Variants in ERMP1 observed in about 807,000 individuals in gnomAD.
ERMP1 encodes Felix-ina.
ERMP1 carries 86 observed loss-of-function variants against 92.0 expected under a neutral mutation model. The ratio of observed to expected loss-of-function variants is 0.93; its 90% confidence interval spans 0.79 to 1.12. The LOEUF is 1.12. Among genes scored for constraint, ERMP1 ranks in the 50% most tolerant of loss-of-function variants. The probability of loss-of-function intolerance (pLI) is 0.00; values close to 1 mark genes in which losing one functional copy is unlikely to be tolerated. For missense variants in ERMP1, 1,342 were observed against 1,116.3 expected, an observed-to-expected ratio of 1.20 and a Z score of -2.88; for synonymous variants, 530 against 412.8, an observed-to-expected ratio of 1.28 and a Z score of -3.44.
At chr9:5,799,740 A>G (rs1828597317) in intron 11 of ERMP1, among the ~76,000 whole-genome samples, 1 of 152,216 alleles carries the variant, frequency 6.6e-6, no homozygotes, top group Admixed American at 6.5e-5. Context: ...TTACAGGAAA[A>G]GTTTGCCAAC....
chr9:5,863,679 G>C (rs1042258460), intron 5 of ERMP1, among the ~76,000 whole-genome samples: 19 of 152,210 alleles, frequency 1.2e-4, no homozygotes, highest in Non-Finnish European at 2.5e-4. Context: ...GGGAAGCTGG[G>C]TGGAGCTTCT....
chr9:5,844,646 T>C (rs918730319), intron 6 of ERMP1, among the ~76,000 whole-genome samples: 2 of 152,180 alleles, frequency 1.3e-5, no homozygotes, highest in Non-Finnish European at 2.9e-5. Context: ...TGCGGAGAAC[T>C]GTCAAGGAGC....
rs546780001 is a variant in ERMP1, at chr9:5,786,662, C to A, written c.*482G>T. On this transcript the variant is annotated 3_prime_UTR_variant, in exon 15 of 15. Coordinates refer to ENST00000339450, the MANE Select transcript of ERMP1 (RefSeq NM_024896.3). ...GCTTCTCTCCCAGCCCTATGGCAAT[C>A]ACTTTCCAGTGACCTACACAGAGTT... The A allele has an allele frequency of 1.3e-5, 2 of 157,054 alleles. No homozygotes were observed. The highest frequency in any genetic ancestry group is 3.8e-4 in the East Asian group (2 of 5,304). The allele number at this position is 157,054 out of a possible 1,614,324, so 9.7% of individuals were successfully genotyped here. A position where few individuals can be genotyped will look rare whatever the true frequency, so the allele number is the denominator to read the frequency against.
At chr9:5,823,039 C>T (rs920336884) in intron 4 of ERMP1, among the ~76,000 whole-genome samples, 14 of 152,176 alleles carry the variant, frequency 9.2e-5, no homozygotes, top group African/African-American at 3.4e-4. Flanking sequence ...AATCCCAGCA[C>T]TTTGGGAGGC....
At position 5,791,968 on chromosome 9, in the gene ERMP1, T is replaced by G. The variant is rs553171782; in HGVS notation, c.2387-4375A>C. Reference sequence around the variant, plus strand: ...GAGGAAGAAGTGGGAGGATGGCAGTTGCTCACTTAATTGGAAATGATGGGA... The same window carrying G: ...GAGGAAGAAGTGGGAGGATGGCAGTGGCTCACTTAATTGGAAATGATGGGA... On this transcript the variant is annotated intron_variant, in intron 13 of 14. Transcript: ENST00000339450. 3.9e-5 allele frequency among the ~76,000 whole-genome samples: 6 copies of G among 152,304 alleles called. 1 individual carries two copies. In the South Asian group the frequency reaches 1.2e-3, roughly 32 times the overall value.
At chr9:5,831,133 T>G (rs1829922758) in intron 1 of ERMP1, 105 bp from the exon 2 acceptor site, 1 of 807,972 alleles carries the variant, frequency 1.2e-6, no homozygotes, top group African/African-American at 1.7e-5. Flanking sequence ...AGCTTAGTTC[T>G]TTGCCTTATA....
intron 7 of ERMP1, among the ~76,000 whole-genome samples, chr9:5,810,803 G>A (rs1829062250): frequency 6.6e-6 from 1 of 152,064 alleles, no homozygotes; most frequent in Non-Finnish European, 1.5e-5. Context: ...GTCCATACTA[G>A]CTATTGGTCT....
chr9:5,860,286 T>C (rs1179574521), intron 5 of ERMP1, among the ~76,000 whole-genome samples: 3 of 149,402 alleles, frequency 2.0e-5, no homozygotes, highest in African/African-American at 7.4e-5. Flanking sequence ...CCAGACCCTG[T>C]TTCCAAAAAA....
Position 5,833,084 on chromosome 9 carries a change from C to G in ERMP1, c.-57G>C, listed in dbSNP as rs916146510. 8.9e-5 allele frequency: 120 copies of G among 1,352,688 alleles called. No individual in the cohort carries two copies. The highest frequency in any genetic ancestry group is 3.3e-4 in the Admixed American group (9 of 27,510). 83.8% of individuals were successfully genotyped at this position (1,352,688 alleles called of 1,614,324 possible). A position where few individuals can be genotyped will look rare whatever the true frequency, so the allele number is the denominator to read the frequency against. ...CCCAACCCGCGACAGCCCCGGCCGCCGCCGACGCCGCCGTCGCTGCCGCAG... is the reference window on the plus strand; with the variant it reads ...CCCAACCCGCGACAGCCCCGGCCGCGGCCGACGCCGCCGTCGCTGCCGCAG... On this transcript the variant is annotated 5_prime_UTR_variant, in exon 1 of 15. Coordinates refer to ENST00000339450, the MANE Select transcript of ERMP1 (RefSeq NM_024896.3).
intron 6 of ERMP1, among the ~76,000 whole-genome samples, chr9:5,847,091 G>A (rs1032326491): frequency 6.6e-6 from 1 of 152,178 alleles, no homozygotes; most frequent in African/African-American, 2.4e-5. Flanking sequence ...CCCAGGGGAT[G>A]GAGGGAAGAG....
Position 5,792,146 on chromosome 9 carries a change from G to A in ERMP1, c.2387-4553C>T, listed in dbSNP as rs192694564. On this transcript the variant is annotated intron_variant, in intron 13 of 14. Transcript: ENST00000339450. ...GATGTGGCTATGCAGTGCAAAGGGA[G>A]TGCTGAAAAGAATCCCGAAATATAC... is the stretch of plus-strand genomic sequence containing the variant. Among the ~76,000 whole-genome samples, 274 of 152,250 alleles carry A rather than the reference G, an allele frequency of 1.8e-3. 1 individual carries two copies. Among genetic ancestry groups the A allele is most frequent in the Non-Finnish European group, 5.0e-4 (34 of 68,020 alleles).
chr9:5,834,296 G>T (rs139212762), upstream of ERMP1, among the ~76,000 whole-genome samples: 5 of 152,138 alleles, frequency 3.3e-5, no homozygotes, highest in East Asian at 1.9e-4. Flanking sequence ...AGATTAAGTG[G>T]TACTTCCTCA....
chr9:5,791,378 C>G (rs1018923496), intron 13 of ERMP1: 2 of 452,078 alleles, frequency 4.4e-6, no homozygotes, highest in East Asian at 1.4e-4. Flanking sequence ...TTCTCAAGGC[C>G]TTCACTGACG....
In ERMP1 at chr9:5,862,660, CTTCATTTTA is replaced by C. The variant is rs1830535988; in HGVS notation, n.3056-3058_3056-3050del. Among the ~76,000 whole-genome samples the C allele has an allele frequency of 3.3e-5, 5 of 152,258 alleles. No individual in the cohort carries two copies. In the South Asian group the frequency reaches 1.0e-3, roughly 32 times the overall value. ...CTGTGTCAGGCTAAAAATCACATTT[CTTCATTTTA>C]TACATAACATTGGTGCCTAAACCAA... On this transcript the variant is annotated intron_variant and non_coding_transcript_variant, in intron 5 of 6. Transcript: ENST00000690753.
chr9:5,851,580 G>A (rs1830307476), intron 6 of ERMP1, among the ~76,000 whole-genome samples: 1 of 152,184 alleles, frequency 6.6e-6, no homozygotes, highest in East Asian at 1.9e-4. Flanking sequence ...AGGGGCAAGA[G>A]TCAACCTGCT....
At chr9:5,860,224 G>C (rs184489615) in intron 5 of ERMP1, among the ~76,000 whole-genome samples, 1 of 151,406 alleles carries the variant, frequency 6.6e-6, no homozygotes, top group Non-Finnish European at 1.5e-5. Flanking sequence ...AGGATTGCTT[G>C]AGCCCAGGAA....
At chr9:5,809,950 A>T in intron 8 of ERMP1, 61 bp downstream of exon 8, 1 of 1,185,426 alleles carries the variant, frequency 8.4e-7, no homozygotes, top group Non-Finnish European at 1.2e-6. Context: ...AATCACACTT[A>T]AGTTCATCTT....
intron 4 of ERMP1, among the ~76,000 whole-genome samples, chr9:5,816,291 ATAT>A (rs1829302865): frequency 6.6e-6 from 1 of 152,236 alleles, no homozygotes; most frequent in African/African-American, 2.4e-5. Flanking sequence ...TTATAGTTTA[ATAT>A]TAATATTTCT....
chr9:5,866,679 T>A (rs1015517880), intron 5 of ERMP1, among the ~76,000 whole-genome samples: 2 of 152,202 alleles, frequency 1.3e-5, no homozygotes, highest in African/African-American at 4.8e-5. Context: ...AAACCCAAAG[T>A]ACTTGATTTG....
Sources: gnomAD v4.1 joint callset for allele counts (sites outside exome capture counted in the v4.1 genomes callset) on GRCh38, gnomAD v4.1.1 for gene constraint, MANE v1.5 for transcripts, NCBI Gene and HGNC (gene_info 2026-07-23, HGNC 2026-07-21) for gene names.